PHYHIPL: variants seen among roughly 807,000 people sequenced by gnomAD.
PHYHIPL encodes phytanoyl-CoA hydroxylase-interacting protein-like.
PHYHIPL carries 9 observed loss-of-function variants against 33.4 expected under a neutral mutation model. That is an observed-to-expected ratio of 0.27 (90% confidence interval 0.16 to 0.47). The LOEUF (loss-of-function observed/expected upper bound fraction) is 0.47. PHYHIPL is among the 20% of genes least tolerant of loss of function. PHYHIPL has a pLI of 0.99. For synonymous variants in PHYHIPL, 153 were observed against 154.1 expected (o/e 0.99, Z 0.05); for missense variants, 365 against 460.7 (o/e 0.79, Z 1.90).
chr10:59,180,249 CAT>C (rs201023924), intron 1 of PHYHIPL, among the ~76,000 whole-genome samples: 9 of 111,470 alleles, frequency 8.1e-5, no homozygotes, highest in African/African-American at 4.2e-5. Context: ...GTCTTTTAAT[CAT>C]ATATATACAC....
At chr10:59,238,823 A>G (rs1228587884) in intron 4 of PHYHIPL, 118 bp downstream of exon 4, 5 of 592,282 alleles carry the variant, frequency 8.4e-6, no homozygotes, top group African/African-American at 1.9e-5. Flanking sequence ...TTTCAAAATA[A>G]CGATATGGAA....
chr10:59,219,196 T>C, intron 1 of PHYHIPL: 1 of 877,844 alleles, frequency 1.1e-6, no homozygotes, highest in Non-Finnish European at 1.4e-6. Context: ...GTCCTGCATA[T>C]ATTCATAAAA....
intron 1 of PHYHIPL, among the ~76,000 whole-genome samples, chr10:59,232,106 G>T (rs1351568074): frequency 6.6e-6 from 1 of 151,828 alleles, no homozygotes; most frequent in Non-Finnish European, 1.5e-5. Flanking sequence ...ACCAATGGGG[G>T]GCAAAAACAC....
rs1179001245 is a variant in PHYHIPL at position 59,240,788 on chromosome 10, A to G, written c.596+2083A>G. Among the ~76,000 whole-genome samples, 3 of 152,210 alleles carry G rather than the reference A, an allele frequency of 2.0e-5. No homozygotes were observed. The East Asian group carries it at 5.8e-4, about 29-fold the overall frequency. ...TTTTAGGTGGCCACTGGAGGGCAGT[A>G]TCTCTCTGTGATTTTTCTCTGTCCC... On this transcript the variant is annotated intron_variant, in intron 4 of 4. Coordinates refer to ENST00000373880, the MANE Select transcript of PHYHIPL (RefSeq NM_032439.4).
At chr10:59,175,892 A>C (rs1457019680), upstream of PHYHIPL, among the ~76,000 whole-genome samples, 1 of 152,240 alleles carries the variant, frequency 6.6e-6, no homozygotes, top group East Asian at 1.9e-4. Context: ...CTACGCTGCG[A>C]AGGCAGACTG....
At chr10:59,244,576 A>AAAAAAAAAAAAAAAAAAAAAC in intron 4 of PHYHIPL, among the ~76,000 whole-genome samples, 2 of 148,752 alleles carry the variant, frequency 1.3e-5, no homozygotes, top group Non-Finnish European at 3.0e-5. Context: ...AAAAAAAAAA[A>AAAAAAAAAAAAAAAAAAAAAC]AAAAAAAAAA....
chr10:59,177,050 G>C (rs376365993), intron 1 of PHYHIPL, 91 bp downstream of exon 1: 6 of 1,137,434 alleles, frequency 5.3e-6, no homozygotes, highest in Non-Finnish European at 7.7e-6. Flanking sequence ...TCGCCAGGGC[G>C]GCAGGGTCTT....
intron 1 of PHYHIPL, among the ~76,000 whole-genome samples, chr10:59,187,175 T>C (rs1444453569): frequency 3.3e-5 from 5 of 152,038 alleles, no homozygotes; most frequent in Admixed American, 2.0e-4. Context: ...TAGCATGAAG[T>C]GTTGTTGAAT....
intron 1 of PHYHIPL, among the ~76,000 whole-genome samples, chr10:59,224,544 A>G (rs764299916): frequency 6.6e-6 from 1 of 152,174 alleles, no homozygotes; most frequent in Non-Finnish European, 1.5e-5. Context: ...ATTGAACTAT[A>G]TATCAAAAGG....
At chr10:59,191,693 T>C (rs1189663648) in intron 1 of PHYHIPL, among the ~76,000 whole-genome samples, 1 of 151,974 alleles carries the variant, frequency 6.6e-6, no homozygotes, top group Non-Finnish European at 1.5e-5. Flanking sequence ...TAGTTGCCAC[T>C]GTGGTCAATA....
intron 1 of PHYHIPL, among the ~76,000 whole-genome samples, chr10:59,213,167 TAA>T (rs201028769): frequency 1.3e-5 from 2 of 149,190 alleles, no homozygotes; most frequent in African/African-American, 4.9e-5. Context: ...AGGGCTTTCT[TAA>T]AAAAAAAAAT....
In PHYHIPL at chr10:59,238,721, A is replaced by G. The variant is rs746848443; in HGVS notation, c.596+16A>G. On this transcript the variant is annotated intron_variant, in intron 4 of 4. Coordinates refer to ENST00000373880, the MANE Select transcript of PHYHIPL (RefSeq NM_032439.4). ...ACTATGTTCGGTAAGATTCAAAAATATATAGTGATTTGTTTTACTAAATAT... is the reference window on the plus strand; with the variant it reads ...ACTATGTTCGGTAAGATTCAAAAATGTATAGTGATTTGTTTTACTAAATAT... 6.8e-7 allele frequency: 1 copy of G among 1,475,652 alleles called. No homozygotes were observed. The highest frequency in any genetic ancestry group is 9.5e-7 in the Non-Finnish European group (1 of 1,056,480). The allele number at this position is 1,475,652 out of a possible 1,614,324, so 91.4% of individuals were successfully genotyped here.
In PHYHIPL at chr10:59,176,942, A is replaced by T; in HGVS notation, c.89A>T (p.Gln30Leu). ...AAAAACCTCAGCCTGGAGGCCATTC[A>T]GCTGTGCGACCGGGACGGTAAGAGC... ...VIKNLSLEAI[Q>L]LCDRDGNKSQ... Residue 30 changes from glutamine to leucine, a missense_variant, in exon 1 of 5, where the codon CAG becomes CTG. Around this residue, in one of 4 missense-constraint regions of PHYHIPL, gnomAD observed 89 missense variants for 78.3 expected, o/e 1.14. Coordinates refer to ENST00000373880, the MANE Select transcript of PHYHIPL (RefSeq NM_032439.4). 1 of 1,613,366 alleles carries T rather than the reference A, an allele frequency of 6.2e-7. No homozygotes were observed. The highest frequency in any genetic ancestry group is 8.5e-7 in the Non-Finnish European group (1 of 1,179,732).
At chr10:59,186,932 T>C (rs1297822777) in intron 1 of PHYHIPL, among the ~76,000 whole-genome samples, 1 of 152,198 alleles carries the variant, frequency 6.6e-6, no homozygotes, top group African/African-American at 2.4e-5. Flanking sequence ...GACTTCCTCT[T>C]TTCCTAATTG....
At position 59,246,477 on chromosome 10, in the gene PHYHIPL, T is replaced by TA. The variant is rs548108890; in HGVS notation, c.*889dup. The stretch of plus-strand genomic sequence containing the variant: ...ATGTGAATTTCTTCAACATCATACT[T>TA]AAACATTACAGAAAATAGAAATACA... On this transcript the variant is annotated 3_prime_UTR_variant, in exon 5 of 5. Coordinates refer to ENST00000373880, the MANE Select transcript of PHYHIPL (RefSeq NM_032439.4). The TA allele has an allele frequency of 3.4e-4, 130 of 385,616 alleles. No individual in the cohort carries two copies. The highest frequency in any genetic ancestry group is 2.5e-3 in the African/African-American group (121 of 48,490). The allele number at this position is 385,616 out of a possible 1,614,324, so 23.9% of individuals were successfully genotyped here.
intron 1 of PHYHIPL, chr10:59,177,164 G>A (rs1838275163): frequency 1.7e-6 from 1 of 604,232 alleles, no homozygotes; most frequent in South Asian, 2.2e-5. Flanking sequence ...GCGCCTTGGC[G>A]CGGAAAGTAG....
At chr10:59,212,353 G>T (rs1564451114) in intron 1 of PHYHIPL, among the ~76,000 whole-genome samples, 1 of 152,192 alleles carries the variant, frequency 6.6e-6, no homozygotes, top group African/African-American at 2.4e-5. Flanking sequence ...TTAGCCTAAA[G>T]CTGCTTTCTT....
intron 1 of PHYHIPL, among the ~76,000 whole-genome samples, chr10:59,186,221 G>A (rs1838596897): frequency 6.6e-6 from 1 of 152,154 alleles, no homozygotes; most frequent in Admixed American, 6.6e-5. Context: ...ATTAAATAGG[G>A]AATCCTTTCC....
At chr10:59,213,841 T>C (rs964455143) in intron 1 of PHYHIPL, among the ~76,000 whole-genome samples, 11 of 152,140 alleles carry the variant, frequency 7.2e-5, no homozygotes, top group African/African-American at 2.7e-4. Context: ...AGGAGCTAGA[T>C]TGGGAAGAAA....
Sources: allele counts gnomAD v4.1 joint callset (sites outside exome capture counted in the v4.1 genomes callset), GRCh38; gene constraint gnomAD v4.1.1; regional missense constraint gnomAD v4.1.1; transcripts MANE v1.5; gene names NCBI Gene and HGNC (gene_info 2026-07-23, HGNC 2026-07-21).